The following ILKAP variants were observed in gnomAD, a reference collection of about 807,000 sequenced individuals.
ILKAP encodes the protein ILK associated serine/threonine phosphatase, also known as integrin-linked kinase-associated serine/threonine phosphatase 2C.
ILKAP carries 11 observed loss-of-function variants against 49.1 expected under a neutral mutation model. The ratio of observed to expected loss-of-function variants is 0.22; its 90% CI spans 0.14 to 0.37. ILKAP has a LOEUF of 0.37. Ranked by LOEUF, ILKAP falls within the 10% of genes least tolerant of loss-of-function variation. The pLI, the probability that ILKAP is intolerant of heterozygous loss-of-function variation, is 1.00. For missense variants in ILKAP, 363 were observed against 510.8 expected, an observed-to-expected ratio of 0.71 and a Z score of 2.79; for synonymous variants, 186 against 192.8, an observed-to-expected ratio of 0.96 and a Z score of 0.29.
chr2:238,201,297 A>G (rs1574813602), intron 1 of ILKAP, among the ~76,000 whole-genome samples: 2 of 152,224 alleles, frequency 1.3e-5, no homozygotes, highest in South Asian at 4.1e-4. Flanking sequence ...ACAGCCTGCA[A>G]TGATAACTAT....
chr2:238,177,841 G>A (rs1208998611), intron 9 of ILKAP, among the ~76,000 whole-genome samples: 1 of 152,242 alleles, frequency 6.6e-6, no homozygotes, highest in East Asian at 1.9e-4. Context: ...ATACGCAGAG[G>A]TGGAACTGCA....
At chr2:238,199,231 A>C (rs1272622425) in intron 1 of ILKAP, among the ~76,000 whole-genome samples, 1 of 152,226 alleles carries the variant, frequency 6.6e-6, no homozygotes, top group East Asian at 1.9e-4. Context: ...AGCTTTTCCC[A>C]GTTCTTCATA....
chr2:238,200,260 T>G (rs1694514845), intron 1 of ILKAP, among the ~76,000 whole-genome samples: 1 of 152,208 alleles, frequency 6.6e-6, no homozygotes, highest in African/African-American at 2.4e-5. Context: ...ATTCAGCAAT[T>G]AAAACTTTTA....
chr2:238,173,789 G>C, intron 9 of ILKAP, 136 bp from the exon 10 acceptor site: 4 of 1,056,808 alleles, frequency 3.8e-6, no homozygotes, highest in Non-Finnish European at 5.4e-6. Flanking sequence ...AACCACTACT[G>C]ACATTTCTTG....
intron 9 of ILKAP, among the ~76,000 whole-genome samples, chr2:238,176,519 C>T (rs1449293817): frequency 6.6e-6 from 1 of 152,240 alleles, no homozygotes; most frequent in Admixed American, 6.5e-5. Context: ...CCTGCCCTTA[C>T]ACACTTCCAA....
intron 9 of ILKAP, among the ~76,000 whole-genome samples, chr2:238,179,262 A>G (rs548544231): frequency 1.1e-4 from 16 of 152,354 alleles, no homozygotes; most frequent in Non-Finnish European, 2.4e-4. Flanking sequence ...ACAGTGATTC[A>G]CAAAGGAAGG....
rs558867636 is a variant in ILKAP, at chr2:238,180,498, T to C, written c.836+1567A>G. Reference sequence around the variant, plus strand: ...CTAAACATGACACAATGTTCACTGCTAGTAGATTTGGAAATGTTTTACTAT... The same window carrying C: ...CTAAACATGACACAATGTTCACTGCCAGTAGATTTGGAAATGTTTTACTAT... On this transcript the variant is annotated intron_variant, in intron 9 of 11. Coordinates refer to ENST00000254654, the MANE Select transcript of ILKAP (RefSeq NM_030768.3). Among the ~76,000 whole-genome samples, 19 of 152,374 alleles carry C rather than the reference T, an allele frequency of 1.2e-4. No individual in the cohort carries two copies. In the East Asian group the frequency reaches 3.7e-3, roughly 29 times the overall value.
In ILKAP at chr2:238,203,584, A is replaced by G; in HGVS notation, c.-31T>C. The G allele has an allele frequency of 8.8e-7, 1 of 1,137,150 alleles. No individual in the cohort carries two copies. Among genetic ancestry groups the G allele is most frequent in the Non-Finnish European group, 1.1e-6 (1 of 924,052 alleles). The allele number at this position is 1,137,150 out of a possible 1,614,324, so 70.4% of individuals were successfully genotyped here. The stretch of plus-strand genomic sequence containing the variant: ...AGGCTGGGTGGAGGCGGCAGCAGCG[A>G]CAGACACTCAGCCCGCGAGCAGCGG... On this transcript the variant is annotated 5_prime_UTR_variant, in exon 1 of 12. Transcript: ENST00000254654.
At position 238,171,967 on chromosome 2, in the gene ILKAP, G is replaced by A. The variant is rs938842842; in HGVS notation, c.957-943C>T. On this transcript the variant is annotated intron_variant, in intron 10 of 11. Transcript: ENST00000254654. ...GGGGTGGGGAATACGCATCCCCACA[G>A]CTTTGCGGTATAAGCCACCCTCCTT... Among the ~76,000 whole-genome samples the A allele has an allele frequency of 4.6e-5, 7 of 152,312 alleles. No homozygotes were observed. In the South Asian group the frequency reaches 8.3e-4, roughly 18 times the overall value.
At position 238,194,858 on chromosome 2, in the gene ILKAP, T is replaced by G; in HGVS notation, c.68A>C (p.Gln23Pro). ...GTCATCAAAGAGCAGGGGTCCTTTC[T>G]GAGCTTCTTTCCCTAAAACACAGAA... is the stretch of plus-strand genomic sequence containing the variant. Reference protein sequence around the residue: ...SPRPAAGKEAQKGPLLFDDLP... With the variant: ...SPRPAAGKEAPKGPLLFDDLP... Residue 23 changes from glutamine to proline, a missense_variant, in exon 2 of 12, where the codon CAG (glutamine) becomes CCG (proline). Transcript: ENST00000254654. 5 of 1,614,066 alleles carry G rather than the reference T, an allele frequency of 3.1e-6. No homozygotes were observed. The highest frequency in any genetic ancestry group is 4.2e-6 in the Non-Finnish European group (5 of 1,179,886).
intron 8 of ILKAP, among the ~76,000 whole-genome samples, 184 bp from the exon 9 acceptor site, chr2:238,182,370 AAC>A (rs1693733544): frequency 1.3e-5 from 2 of 152,280 alleles, no homozygotes; most frequent in Admixed American, 1.3e-4. Flanking sequence ...TCAAAGACAC[AAC>A]AGTTAGGGAG....
chr2:238,193,707 G>A (rs1694236639), intron 3 of ILKAP, among the ~76,000 whole-genome samples: 1 of 152,150 alleles, frequency 6.6e-6, no homozygotes, highest in Admixed American at 6.5e-5. Context: ...CATACGAAAT[G>A]GGATTACCTG....
intron 7 of ILKAP, 86 bp from the exon 8 acceptor site, chr2:238,183,826 T>C: frequency 9.2e-7 from 1 of 1,082,314 alleles, no homozygotes; most frequent in East Asian, 2.4e-5. Context: ...GGAAGTATCT[T>C]ATATTTCAAA....
At chr2:238,184,822 C>T (rs2106333383) in intron 6 of ILKAP, among the ~76,000 whole-genome samples, 1 of 152,212 alleles carries the variant, frequency 6.6e-6, no homozygotes, top group African/African-American at 2.4e-5. Flanking sequence ...CTTGGCCTCC[C>T]AAAGTGCTGT....
Position 238,170,438 on chromosome 2 carries a change from G to A in ILKAP, c.*98C>T, listed in dbSNP as rs1180136107. On this transcript the variant is annotated 3_prime_UTR_variant, in exon 12 of 12. Transcript: ENST00000254654. ...AAGAGAAACCTTTATTTACAACCAT[G>A]GGAGTCCCACAGGAGTACACAAAAC... 1.6e-6 allele frequency: 2 copies of A among 1,288,722 alleles called. No individual in the cohort carries two copies. The highest frequency in any genetic ancestry group is 2.1e-6 in the Non-Finnish European group (2 of 939,050). The allele number at this position is 1,288,722 out of a possible 1,614,324, so 79.8% of individuals were successfully genotyped here. A position where few individuals can be genotyped will look rare whatever the true frequency, so the allele number is the denominator to read the frequency against.
rs574081196 is a variant in ILKAP at position 238,194,416 on chromosome 2, T to C, written c.122-85A>G. 1.5e-5 allele frequency: 19 copies of C among 1,274,452 alleles called. No individual in the cohort carries two copies. In the Admixed American group the frequency reaches 3.0e-4, roughly 20 times the overall value. 78.9% of individuals were successfully genotyped at this position (1,274,452 alleles called of 1,614,324 possible). A position where few individuals can be genotyped will look rare whatever the true frequency, so the allele number is the denominator to read the frequency against. The stretch of plus-strand genomic sequence containing the variant: ...AATCCATCCCACCAGGACACCTATG[T>C]AGGTTACTGAAATAAACTCAAAACT... On this transcript the variant is annotated intron_variant, in intron 2 of 11. Coordinates refer to ENST00000254654, the MANE Select transcript of ILKAP (RefSeq NM_030768.3).
chr2:238,194,634 T>C lies in ILKAP; in HGVS notation c.121+171A>G, dbSNP rs184386615. On this transcript the variant is annotated intron_variant, in intron 2 of 11. Coordinates refer to ENST00000254654, the MANE Select transcript of ILKAP (RefSeq NM_030768.3). The stretch of plus-strand genomic sequence containing the variant: ...CGCAGTACTTCTCAGGGCTAGCGAC[T>C]AGCAGATTTTTCTGCCTTACCTGAT... 2.3e-5 allele frequency: 15 copies of C among 660,216 alleles called. No individual in the cohort carries two copies. In the Admixed American group the frequency reaches 4.1e-4, roughly 18 times the overall value. 40.9% of individuals were successfully genotyped at this position (660,216 alleles called of 1,614,324 possible).
intron 5 of ILKAP, chr2:238,186,207 A>G (rs866293531): frequency 2.6e-5 from 4 of 152,228 alleles, no homozygotes; most frequent in South Asian, 2.1e-4. Flanking sequence ...AGCTACATAC[A>G]TGGTAGAGCC....
intron 1 of ILKAP, 34 bp downstream of exon 1, chr2:238,203,465 C>A (rs1306388203): frequency 1.1e-5 from 14 of 1,219,554 alleles, no homozygotes; most frequent in African/African-American, 8.1e-5. Flanking sequence ...CCTGCTCTCC[C>A]TTCCCTGGCC....
Sources: allele counts gnomAD v4.1 joint callset (sites outside exome capture counted in the v4.1 genomes callset), GRCh38; gene constraint gnomAD v4.1.1; transcripts MANE v1.5; gene names NCBI Gene and HGNC (gene_info 2026-07-23, HGNC 2026-07-21).